CKM: variants seen among roughly 807,000 people sequenced by gnomAD.
CKM encodes the protein creatine kinase M-type.
In CKM, 28 loss-of-function variants were observed where a neutral mutation model predicts 35.4. That is an observed-to-expected ratio of 0.79 (90% CI 0.59 to 1.08). CKM has a LOEUF of 1.08. Among genes scored for constraint, CKM ranks in the 50% least tolerant of loss-of-function variants. The pLI is 0.00. For missense variants in CKM, 484 were observed against 509.8 expected, an observed-to-expected ratio of 0.95 and a Z score of 0.49; for synonymous variants, 215 against 204.4, an observed-to-expected ratio of 1.05 and a Z score of -0.44.
At chr19:45,309,878 A>G (rs1410744922) in intron 5 of CKM, among the ~76,000 whole-genome samples, 1 of 152,102 alleles carries the variant, frequency 6.6e-6, no homozygotes, top group Non-Finnish European at 1.5e-5. Flanking sequence ...AAATAAATAA[A>G]TAAATGAGTG....
intron 3 of CKM, among the ~76,000 whole-genome samples, chr19:45,316,272 G>T (rs1315530884): frequency 6.6e-6 from 1 of 150,520 alleles, no homozygotes. Context: ...AGGGGTTTCC[G>T]TGAGCTGAGA....
In CKM at chr19:45,308,515, C is replaced by G. The variant is rs772621306; in HGVS notation, c.671G>C (p.Ser224Thr). The change falls in exon 6 of 8, where the codon AGC becomes ACC. Residue 224 changes from serine (S) to threonine (T), a missense_variant. Transcript: ENST00000221476. ...ARGIWHNDNKSFLVWVNEEDH... is the reference protein window; with the variant it reads ...ARGIWHNDNKTFLVWVNEEDH... The stretch of plus-strand genomic sequence containing the variant: ...CTCCTCGTTCACCCACACCAGGAAG[C>G]TCTTGTTGTCATTGTGCCTAGAGTA... The G allele has an allele frequency of 2.5e-6, 4 of 1,614,126 alleles. No homozygotes were observed. The highest frequency in any genetic ancestry group is 3.4e-6 in the Non-Finnish European group (4 of 1,180,012).
At chr19:45,308,991 G>C (rs1320874185) in intron 5 of CKM, among the ~76,000 whole-genome samples, 1 of 151,974 alleles carries the variant, frequency 6.6e-6, no homozygotes, top group Non-Finnish European at 1.5e-5. Context: ...ACTTTGGGAG[G>C]CCGAGGCGGG....
At chr19:45,319,071 G>A (rs560498427) in intron 2 of CKM, among the ~76,000 whole-genome samples, 2 of 152,016 alleles carry the variant, frequency 1.3e-5, no homozygotes, top group African/African-American at 4.8e-5. Context: ...TGCTCAGGCT[G>A]GTCTCAAACT....
chr19:45,321,845 G>A (rs961097174), intron 1 of CKM, among the ~76,000 whole-genome samples: 4 of 152,124 alleles, frequency 2.6e-5, no homozygotes, highest in African/African-American at 7.2e-5. Context: ...GGTGGGAGAC[G>A]GGGATGGGAA....
Position 45,307,489 on chromosome 19 carries a change from G to C in CKM, c.939C>G (p.Thr313=). The change falls in exon 7 of 8, where the codon ACC becomes ACG. Residue 313 remains threonine, a synonymous_variant. Coordinates refer to ENST00000221476, the MANE Select transcript of CKM (RefSeq NM_001824.5). ...SKHPKFEEIL[T]RLRLQKRGTG... is the part of the protein sequence containing the mutation. ...TACCCCTCTTCTGCAGACGCAGGCGGGTGAGGATCTCCTCGAACTTGGGGT... is the reference window on the plus strand; with the variant it reads ...TACCCCTCTTCTGCAGACGCAGGCGCGTGAGGATCTCCTCGAACTTGGGGT... The C allele has an allele frequency of 6.2e-7, 1 of 1,613,950 alleles. No homozygotes were observed. The highest frequency in any genetic ancestry group is 8.5e-7 in the Non-Finnish European group (1 of 1,179,882).
chr19:45,307,017 T>G lies in CKM; in HGVS notation c.968-89A>C, dbSNP rs531761192. On this transcript the variant is annotated intron_variant, in intron 7 of 7. Coordinates refer to ENST00000221476, the MANE Select transcript of CKM (RefSeq NM_001824.5). Reference sequence around the variant, plus strand: ...CCCCGTGCCAAATGCAACAGCCGCATGTAGTGAGTGCCTACTGTGTAACAG... The same window carrying G: ...CCCCGTGCCAAATGCAACAGCCGCAGGTAGTGAGTGCCTACTGTGTAACAG... 8.6e-6 allele frequency: 11 copies of G among 1,278,204 alleles called. No homozygotes were observed. The East Asian group carries it at 2.5e-4, about 30-fold the overall frequency. The allele number at this position is 1,278,204 out of a possible 1,614,324, so 79.2% of individuals were successfully genotyped here. A position where few individuals can be genotyped will look rare whatever the true frequency, so the allele number is the denominator to read the frequency against.
chr19:45,319,011 C>T (rs1971185867), intron 2 of CKM, among the ~76,000 whole-genome samples: 1 of 152,036 alleles, frequency 6.6e-6, no homozygotes, highest in African/African-American at 2.4e-5. Flanking sequence ...CTCATCACCA[C>T]ACTTGGCTAA....
intron 5 of CKM, among the ~76,000 whole-genome samples, chr19:45,310,310 C>T (rs545979796): frequency 8.6e-5 from 13 of 151,816 alleles, no homozygotes; most frequent in South Asian, 2.1e-4. Flanking sequence ...TTAGTAGAGA[C>T]GGGGTTTCAC....
intron 4 of CKM, among the ~76,000 whole-genome samples, chr19:45,313,102 C>T (rs1433092339): frequency 1.3e-5 from 2 of 152,026 alleles, no homozygotes; most frequent in Non-Finnish European, 2.9e-5. Flanking sequence ...AGACATACCT[C>T]GTTTTATTGC....
At chr19:45,312,953 A>T (rs907417344) in intron 4 of CKM, among the ~76,000 whole-genome samples, 1 of 30,962 alleles carries the variant, frequency 3.2e-5, no homozygotes, top group Admixed American at 1.9e-4. Flanking sequence ...GATTCTGTCT[A>T]AAAAAAAAAA....
intron 5 of CKM, among the ~76,000 whole-genome samples, chr19:45,309,741 C>G (rs1457704700): frequency 6.6e-6 from 1 of 151,266 alleles, no homozygotes; most frequent in Non-Finnish European, 1.5e-5. Context: ...ACATGCCTGT[C>G]GTCCTAGCTA....
At chr19:45,317,278 AT>A (rs1971167458) in intron 3 of CKM, among the ~76,000 whole-genome samples, 1 of 148,434 alleles carries the variant, frequency 6.7e-6, no homozygotes, top group East Asian at 2.0e-4. Flanking sequence ...CAGCTAATTT[AT>A]TTTATTTATT....
intron 4 of CKM, among the ~76,000 whole-genome samples, chr19:45,315,122 C>G (rs1971144292): frequency 6.6e-6 from 1 of 152,096 alleles, no homozygotes; most frequent in Admixed American, 6.6e-5. Flanking sequence ...CTCTTGTCTC[C>G]CCACCAGCTG....
At position 45,315,478 on chromosome 19, in the gene CKM, C is replaced by A. The variant is rs2123140151; in HGVS notation, c.468G>T (p.Lys156Asn). 6.3e-7 allele frequency: 1 copy of A among 1,599,116 alleles called. No individual in the cohort carries two copies. Among genetic ancestry groups the A allele is most frequent in the East Asian group, 2.2e-5 (1 of 44,858 alleles). ...CSRGERRAVE[K>N]LSVEALNSLT... ...AGGGGCGCTCACCTTCCACAGAGAG[C>A]TTCTCCACCGCCCGGCGCTCGCCAC... Residue 156 changes from lysine (K) to asparagine (N), a missense_variant, in exon 4 of 8, where the codon AAG becomes AAT. By Grantham distance (94) the Lys-to-Asn change is moderately conservative. Coordinates refer to ENST00000221476, the MANE Select transcript of CKM (RefSeq NM_001824.5).
Position 45,315,549 on chromosome 19 carries a change from T to C in CKM, c.397A>G (p.Thr133Ala). ...PNYVLSSRVR[T>A]GRSIKGYTLP... ...GTGTAGCCCTTGATGCTGCGGCCAG[T>C]GCGGACGCGGCTGCTGAGCACGTAG... is the stretch of plus-strand genomic sequence containing the variant. Residue 133 changes from threonine (T) to alanine (A), a missense_variant, in exon 4 of 8, where the codon ACT becomes GCT. Transcript: ENST00000221476. 2 of 1,603,340 alleles carry C rather than the reference T, an allele frequency of 1.2e-6. No individual in the cohort carries two copies. Among genetic ancestry groups the C allele is most frequent in the Non-Finnish European group, 1.7e-6 (2 of 1,179,946 alleles).
chr19:45,309,218 A>C (rs1363566141), intron 5 of CKM, among the ~76,000 whole-genome samples: 2 of 123,198 alleles, frequency 1.6e-5, no homozygotes, highest in Admixed American at 9.1e-5. Context: ...ACAGAGCGAG[A>C]CTCCATCTCA....
chr19:45,306,538 C>G lies in CKM; in HGVS notation c.*212G>C, dbSNP rs892802344. 1.5e-5 allele frequency: 9 copies of G among 598,896 alleles called. No individual in the cohort carries two copies. The highest frequency in any genetic ancestry group is 4.5e-4 in the Middle Eastern group (1 of 2,224). 37.1% of individuals were successfully genotyped at this position (598,896 alleles called of 1,614,324 possible). On this transcript the variant is annotated 3_prime_UTR_variant, in exon 8 of 8. Transcript: ENST00000221476. This position sits in a 1 kb window ranked among gnomAD's most constrained non-coding sequence, Gnocchi z 4.5. ...GGAGCTCTGGGAAAAGAAGAGGACC[C>G]TGCCAGGGAGATATTTCATTGGCCA...
At chr19:45,317,108 T>C (rs916421640) in intron 3 of CKM, among the ~76,000 whole-genome samples, 1 of 151,436 alleles carries the variant, frequency 6.6e-6, no homozygotes, top group African/African-American at 2.4e-5. Context: ...CCCTCTCTCT[T>C]TCCTTTTTTT....
Sources: allele counts gnomAD v4.1 joint callset (sites outside exome capture counted in the v4.1 genomes callset), GRCh38; gene constraint gnomAD v4.1.1; non-coding constraint Gnocchi (gnomAD v3.1); transcripts MANE v1.5; gene names NCBI Gene and HGNC (gene_info 2026-07-23, HGNC 2026-07-21).